MAGI2: variants seen among roughly 807,000 people sequenced by gnomAD.
MAGI2 encodes membrane associated guanylate kinase, WW and PDZ domain containing 2.
A neutral mutation model predicts 133.3 loss-of-function variants in MAGI2; 35 were observed. The ratio of observed to expected loss-of-function variants is 0.26; its 90% CI spans 0.20 to 0.35. The LOEUF (loss-of-function observed/expected upper bound fraction) is 0.35, where lower values mean the gene tolerates loss of function less well. MAGI2 is among the 10% of genes least tolerant of loss of function. The probability of loss-of-function intolerance (pLI) is 1.00; values close to 1 mark genes in which losing one functional copy is unlikely to be tolerated. For missense variants in MAGI2, 1,636 were observed against 1,863.4 expected (o/e 0.88, Z 2.25); for synonymous variants, 729 against 710.6 (o/e 1.03, Z -0.41).
At chr7:78,269,919 A>C (rs1794397209) in intron 9 of MAGI2, among the ~76,000 whole-genome samples, 1 of 152,158 alleles carries the variant, frequency 6.6e-6, no homozygotes. Flanking sequence ...TAAGTCTTTA[A>C]TCCATCTTGA....
chr7:78,325,328 T>C (rs798303), intron 9 of MAGI2, among the ~76,000 whole-genome samples: 31,472 of 152,172 alleles, frequency 0.21, 5,041 homozygotes, highest in African/African-American at 0.45. Flanking sequence ...AGACAGTTTA[T>C]AGATGCTGAA....
At chr7:78,417,940 A>AT (rs1798450520) in intron 6 of MAGI2, among the ~76,000 whole-genome samples, 1 of 152,084 alleles carries the variant, frequency 6.6e-6, no homozygotes, top group Non-Finnish European at 1.5e-5. Flanking sequence ...TGTGGTTCTC[A>AT]TTTTTGTGTA....
At chr7:79,307,192 A>G (rs1166697978) in intron 1 of MAGI2, among the ~76,000 whole-genome samples, 1 of 152,176 alleles carries the variant, frequency 6.6e-6, no homozygotes, top group African/African-American at 2.4e-5. Context: ...GGTACCACGC[A>G]GTGCCTTACT....
chr7:79,093,381 C>G (rs560451295), intron 1 of MAGI2, among the ~76,000 whole-genome samples: 11 of 152,070 alleles, frequency 7.2e-5, no homozygotes, highest in Admixed American at 7.2e-4. Context: ...GGGTTCAGAT[C>G]CAGACCACCA....
intron 10 of MAGI2, among the ~76,000 whole-genome samples, chr7:78,211,071 A>G (rs1365491128): frequency 1.3e-5 from 2 of 152,220 alleles, no homozygotes; most frequent in African/African-American, 4.8e-5. Flanking sequence ...GAGTAGAGAC[A>G]GTGTGAAGAT....
intron 1 of MAGI2, among the ~76,000 whole-genome samples, chr7:79,373,973 C>T (rs1201673175): frequency 3.9e-5 from 6 of 151,932 alleles, no homozygotes; most frequent in African/African-American, 9.7e-5. Flanking sequence ...TAATATTATG[C>T]ACCAGTGTAA....
chr7:78,946,989 A>T (rs1801468381), intron 2 of MAGI2: 1 of 152,110 alleles, frequency 6.6e-6, no homozygotes, highest in South Asian at 2.1e-4. Flanking sequence ...CATGGAAATT[A>T]CCTATTCAGT....
intron 1 of MAGI2, among the ~76,000 whole-genome samples, chr7:79,302,413 T>A (rs1480155332): frequency 6.6e-6 from 1 of 152,178 alleles, no homozygotes; most frequent in Non-Finnish European, 1.5e-5. Flanking sequence ...TTTCCATTAT[T>A]CCCTTCAGCA....
chr7:78,975,931 A>G (rs1175077900), intron 2 of MAGI2, among the ~76,000 whole-genome samples: 1 of 151,744 alleles, frequency 6.6e-6, no homozygotes, highest in Non-Finnish European at 1.5e-5. Flanking sequence ...AAATGAATCA[A>G]TTCCTTGAAT....
At chr7:78,308,715 A>G (rs1247689425) in intron 9 of MAGI2, among the ~76,000 whole-genome samples, 1 of 152,148 alleles carries the variant, frequency 6.6e-6, no homozygotes, top group Non-Finnish European at 1.5e-5. Flanking sequence ...CCTTAGGTCT[A>G]TACTTGAAGT....
chr7:78,583,751 T>G (rs10269428), intron 3 of MAGI2, among the ~76,000 whole-genome samples: 16,914 of 152,072 alleles, frequency 0.11, 2,013 homozygotes, highest in East Asian at 0.53. Context: ...GTTGCTTGAT[T>G]GATTTATAAT....
chr7:79,035,550 C>A (rs1238452494), intron 1 of MAGI2, among the ~76,000 whole-genome samples: 1 of 152,064 alleles, frequency 6.6e-6, no homozygotes, highest in African/African-American at 2.4e-5. Context: ...TAGGTAAAGG[C>A]ATAATTATGT....
chr7:79,222,618 A>G (rs1279446836), intron 1 of MAGI2, among the ~76,000 whole-genome samples: 2 of 152,042 alleles, frequency 1.3e-5, no homozygotes, highest in African/African-American at 4.8e-5. Context: ...ATCGAAAACT[A>G]TCTCCCTTAA....
At chr7:79,389,500 T>G (rs1295507373) in intron 1 of MAGI2, among the ~76,000 whole-genome samples, 1 of 152,164 alleles carries the variant, frequency 6.6e-6, no homozygotes, top group Non-Finnish European at 1.5e-5. Flanking sequence ...ATTAACTGTT[T>G]AGTAGCAAAT....
At chr7:79,124,851 T>C in intron 1 of MAGI2, 1 of 213,578 alleles carries the variant, frequency 4.7e-6, no homozygotes, top group Admixed American at 5.2e-5. Flanking sequence ...TGGGGAATGC[T>C]CATGGGTTGT....
intron 2 of MAGI2, among the ~76,000 whole-genome samples, chr7:78,673,973 G>A (rs1410902010): frequency 6.6e-6 from 1 of 152,110 alleles, no homozygotes; most frequent in East Asian, 1.9e-4. Context: ...TTAATATTAT[G>A]TATAAAGCAA....
intron 2 of MAGI2, among the ~76,000 whole-genome samples, chr7:78,685,979 T>C (rs1280039205): frequency 6.6e-6 from 1 of 151,080 alleles, no homozygotes; most frequent in African/African-American, 2.4e-5. Context: ...TCTTTTCTTT[T>C]TTTTTTTTGT....
chr7:78,162,306 A>G (rs928810782), intron 15 of MAGI2, among the ~76,000 whole-genome samples: 6 of 151,402 alleles, frequency 4.0e-5, no homozygotes, highest in Admixed American at 3.9e-4. Context: ...CGGGCGGATC[A>G]CGAGGTCAGG....
At chr7:78,473,992 A>T (rs930315325) in intron 6 of MAGI2, among the ~76,000 whole-genome samples, 1 of 152,000 alleles carries the variant, frequency 6.6e-6, no homozygotes, top group Non-Finnish European at 1.5e-5. Flanking sequence ...TTTCGTTACC[A>T]TCTGTGCCCC....
Sources: gnomAD v4.1 joint callset for allele counts (sites outside exome capture counted in the v4.1 genomes callset) on GRCh38, gnomAD v4.1.1 for gene constraint, MANE v1.5 for transcripts, NCBI Gene and HGNC (gene_info 2026-07-23, HGNC 2026-07-21) for gene names.